Variants in PDE4D observed in about 807,000 individuals in gnomAD.
PDE4D encodes the protein 3',5'-cyclic-AMP phosphodiesterase 4D.
Under a neutral mutation model 87.4 loss-of-function variants are expected in PDE4D, and 24 were observed. The ratio of observed to expected loss-of-function variants is 0.27; its 90% CI spans 0.20 to 0.39. The LOEUF (loss-of-function observed/expected upper bound fraction) is 0.39, where lower values mean the gene tolerates loss of function less well. Ranked by LOEUF, PDE4D falls within the 10% of genes least tolerant of loss-of-function variation. PDE4D has a pLI of 1.00. For missense variants in PDE4D, 714 were observed against 1,041.0 expected (o/e 0.69, Z 4.32); for synonymous variants, 384 against 383.2 (o/e 1.00, Z -0.02).
At chr5:59,304,791 A>C (rs1008842885) in intron 1 of PDE4D, among the ~76,000 whole-genome samples, 9 of 152,102 alleles carry the variant, frequency 5.9e-5, no homozygotes, top group African/African-American at 2.2e-4. Flanking sequence ...TGTTGGATTC[A>C]GTCAGCTAGT....
chr5:60,289,069 G>A (rs1752663638), intron 1 of PDE4D, among the ~76,000 whole-genome samples: 1 of 152,170 alleles, frequency 6.6e-6, no homozygotes, highest in Non-Finnish European at 1.5e-5. Context: ...CTCACATTGA[G>A]AACACCGTCA....
intron 1 of PDE4D, among the ~76,000 whole-genome samples, chr5:60,379,455 G>A (rs1032806722): frequency 5.3e-5 from 8 of 152,154 alleles, no homozygotes; most frequent in Non-Finnish European, 1.0e-4. Flanking sequence ...TGGTCCACAG[G>A]TCTATTCTTG....
chr5:59,907,425 A>G (rs576197375), intron 3 of PDE4D, among the ~76,000 whole-genome samples: 3 of 152,250 alleles, frequency 2.0e-5, no homozygotes, highest in South Asian at 4.1e-4. Flanking sequence ...ACTAGGGTCT[A>G]TCTACTTGAT....
At chr5:59,645,397 C>T (rs1386289394) in intron 1 of PDE4D, among the ~76,000 whole-genome samples, 10 of 152,148 alleles carry the variant, frequency 6.6e-5, no homozygotes, top group Non-Finnish European at 8.8e-5. Flanking sequence ...TCAATGTCTA[C>T]GTACTGATTT....
chr5:59,566,534 ATG>A (rs34584672), intron 1 of PDE4D, among the ~76,000 whole-genome samples: 9,727 of 140,606 alleles, frequency 0.069, 388 homozygotes, highest in African/African-American at 0.11. Flanking sequence ...TCACAGTTTC[ATG>A]TGTGTGTGTG....
In PDE4D at chr5:60,161,772, TAA is replaced by T. The variant is rs752621756; in HGVS notation, c.42+23783_42+23784del. On this transcript the variant is annotated intron_variant, in intron 2 of 16. Coordinates refer to the PDE4D transcript ENST00000502484. ...TTTTGTCGTTACAGATGAATTGTGG[TAA>T]AGTTTACTGAGATAACAAAGGCTTC... Among the ~76,000 whole-genome samples the T allele has an allele frequency of 9.1e-4, 139 of 152,304 alleles. No homozygotes were observed. In the Middle Eastern group the frequency reaches 0.01, roughly 11 times the overall value.
intron 1 of PDE4D, among the ~76,000 whole-genome samples, chr5:59,395,012 C>T (rs186768650): frequency 3.9e-5 from 6 of 152,274 alleles, no homozygotes; most frequent in Middle Eastern, 3.4e-3. Flanking sequence ...CCGAATACTG[C>T]GCTTTTCCGA....
intron 1 of PDE4D, among the ~76,000 whole-genome samples, chr5:59,581,396 T>G (rs942993972): frequency 6.6e-6 from 1 of 152,158 alleles, no homozygotes; most frequent in African/African-American, 2.4e-5. Context: ...AATAGTCAAC[T>G]AAAAGGAAGA....
intron 1 of PDE4D, among the ~76,000 whole-genome samples, chr5:59,704,004 G>A (rs547896415): frequency 6.6e-6 from 1 of 152,070 alleles, no homozygotes; most frequent in East Asian, 1.9e-4. Flanking sequence ...GAGAAAGAGA[G>A]GGAGGCCATG....
At chr5:60,224,354 A>G (rs991459435) in intron 1 of PDE4D, among the ~76,000 whole-genome samples, 9 of 152,068 alleles carry the variant, frequency 5.9e-5, no homozygotes, top group African/African-American at 1.9e-4. Flanking sequence ...GAAGTAAACC[A>G]TCCAAAACTT....
chr5:60,143,964 T>C (rs1780781104), intron 2 of PDE4D, among the ~76,000 whole-genome samples: 1 of 152,170 alleles, frequency 6.6e-6, no homozygotes, highest in Non-Finnish European at 1.5e-5. Flanking sequence ...TGAAACACTT[T>C]GCTTATTCTT....
At chr5:59,282,366 C>T (rs190433) in intron 1 of PDE4D, among the ~76,000 whole-genome samples, 47,480 of 151,808 alleles carry the variant, frequency 0.31, 9,294 homozygotes, top group East Asian at 0.68. Context: ...GGAGGCTGCG[C>T]GCGGTGGCTC....
intron 1 of PDE4D, among the ~76,000 whole-genome samples, chr5:59,451,666 C>T (rs1459799808): frequency 6.6e-6 from 1 of 152,188 alleles, no homozygotes; most frequent in East Asian, 1.9e-4. Flanking sequence ...CACCTCCTAC[C>T]TCTATCTCTC....
At chr5:59,334,262 T>C (rs1017026399) in intron 1 of PDE4D, among the ~76,000 whole-genome samples, 2 of 143,114 alleles carry the variant, frequency 1.4e-5, no homozygotes, top group African/African-American at 5.2e-5. Context: ...TTTTTTTTTT[T>C]TTTTTTTTTT....
intron 5 of PDE4D, among the ~76,000 whole-genome samples, chr5:59,107,885 T>C (rs141785773): frequency 6.6e-6 from 1 of 152,262 alleles, no homozygotes; most frequent in East Asian, 1.9e-4. Flanking sequence ...AAATTCTGAC[T>C]ACCTTGCTGG....
chr5:60,384,533 G>A (rs1762074075), intron 1 of PDE4D, among the ~76,000 whole-genome samples: 1 of 152,122 alleles, frequency 6.6e-6, no homozygotes, highest in African/African-American at 2.4e-5. Flanking sequence ...GACTCTGTTT[G>A]CTTCCTCTCT....
At position 59,900,920 on chromosome 5, in the gene PDE4D, T is replaced by C. The variant is rs370244237; in HGVS notation, c.272+87568A>G. ...GATTTAATCTTATAGTTTGAGATGA[T>C]GAAAAGTAATGTGGTAGGTAGGCAT... is the stretch of plus-strand genomic sequence containing the variant. On this transcript the variant is annotated intron_variant, in intron 3 of 16. Coordinates refer to the PDE4D transcript ENST00000502484. Among the ~76,000 whole-genome samples, 24 of 152,278 alleles carry C rather than the reference T, an allele frequency of 1.6e-4. No homozygotes were observed. In the South Asian group the frequency reaches 3.7e-3, roughly 24 times the overall value.
At chr5:59,517,881 T>A (rs1811461044) in intron 1 of PDE4D, among the ~76,000 whole-genome samples, 1 of 152,202 alleles carries the variant, frequency 6.6e-6, no homozygotes, top group Non-Finnish European at 1.5e-5. Context: ...ATTTTACACC[T>A]TTAAAGTTTC....
intron 1 of PDE4D, among the ~76,000 whole-genome samples, chr5:59,286,673 A>T (rs1767014629): frequency 1.3e-5 from 2 of 152,078 alleles, no homozygotes; most frequent in South Asian, 4.1e-4. Flanking sequence ...CTCAAAAGTA[A>T]CTCTTGAAAA....
Sources: gnomAD v4.1 joint callset for allele counts (sites outside exome capture counted in the v4.1 genomes callset) on GRCh38, gnomAD v4.1.1 for gene constraint, MANE v1.5 for transcripts, NCBI Gene and HGNC (gene_info 2026-07-23, HGNC 2026-07-21) for gene names.